CSMD1: variants seen among roughly 807,000 people sequenced by gnomAD.
CSMD1 encodes the protein CUB and sushi domain-containing protein 1.
A neutral mutation model predicts 417.5 loss-of-function variants in CSMD1; 213 were observed. The ratio of observed to expected loss-of-function variants is 0.51; its 90% CI spans 0.46 to 0.57. The LOEUF is 0.57. Among genes scored for constraint, CSMD1 ranks in the 20% least tolerant of loss-of-function variants. CSMD1 has a pLI of 0.00. For missense variants in CSMD1, 6,923 were observed against 4,529.7 expected, an observed-to-expected ratio of 1.53 and a Z score of -15.17; for synonymous variants, 2,862 against 1,736.8, an observed-to-expected ratio of 1.65 and a Z score of -16.11.
At chr8:3,450,388 G>C (rs901932256) in intron 12 of CSMD1, among the ~76,000 whole-genome samples, 1 of 151,672 alleles carries the variant, frequency 6.6e-6, no homozygotes, top group African/African-American at 2.4e-5. Flanking sequence ...GTATACATGT[G>C]CCATGTTGGT....
At chr8:3,492,735 G>A (rs1226922032) in intron 11 of CSMD1, among the ~76,000 whole-genome samples, 3 of 152,130 alleles carry the variant, frequency 2.0e-5, no homozygotes, top group Non-Finnish European at 4.4e-5. Flanking sequence ...CTGAGAAGTG[G>A]GATCAGTCTG....
chr8:3,009,640 C>A (rs75426573), intron 52 of CSMD1, among the ~76,000 whole-genome samples: 3,138 of 152,276 alleles, frequency 0.021, 96 homozygotes, highest in African/African-American at 0.07. Flanking sequence ...ATATTGATAA[C>A]TGAGGTGTGT....
At chr8:4,249,131 T>C (rs938267635) in intron 3 of CSMD1, among the ~76,000 whole-genome samples, 3 of 152,194 alleles carry the variant, frequency 2.0e-5, no homozygotes, top group African/African-American at 7.2e-5. Context: ...CACCAAACTT[T>C]CGTGGGAAAA....
rs1449142603 is a variant in CSMD1, at chr8:3,947,635, A to G, written c.818+50268T>C. On this transcript the variant is annotated intron_variant, in intron 5 of 69. Transcript: ENST00000635120. Reference sequence around the variant, plus strand: ...CCAAATACGAGGAGCTTTCCCACATATTCTGTTATCAATTTACAGTTTAAT... The same window carrying G: ...CCAAATACGAGGAGCTTTCCCACATGTTCTGTTATCAATTTACAGTTTAAT... Among the ~76,000 whole-genome samples, 6 of 150,348 alleles carry G rather than the reference A, an allele frequency of 4.0e-5. No homozygotes were observed. The East Asian group carries it at 1.2e-3, about 31-fold the overall frequency.
At chr8:4,273,650 G>C (rs905337723) in intron 3 of CSMD1, among the ~76,000 whole-genome samples, 3 of 152,122 alleles carry the variant, frequency 2.0e-5, no homozygotes, top group South Asian at 2.1e-4. Context: ...CTCTAATAGA[G>C]AGCAGTAATC....
At chr8:3,330,348 G>C (rs1384651570) in intron 23 of CSMD1, among the ~76,000 whole-genome samples, 1 of 152,256 alleles carries the variant, frequency 6.6e-6, no homozygotes, top group East Asian at 1.9e-4. Context: ...CTCAATCTAA[G>C]TGCCCATCAG....
intron 3 of CSMD1, among the ~76,000 whole-genome samples, chr8:4,191,811 T>G (rs1436520281): frequency 6.6e-6 from 1 of 150,758 alleles, no homozygotes; most frequent in African/African-American, 2.4e-5. Flanking sequence ...CTTCATCTCC[T>G]ATCGAATGAT....
intron 4 of CSMD1, among the ~76,000 whole-genome samples, chr8:3,998,513 G>C (rs1213525117): frequency 2.6e-5 from 4 of 152,174 alleles, no homozygotes; most frequent in African/African-American, 7.2e-5. Flanking sequence ...ACCTGGCTTT[G>C]AGAATACTGT....
chr8:3,725,351 G>T (rs2623755), intron 6 of CSMD1, among the ~76,000 whole-genome samples: 20,211 of 152,078 alleles, frequency 0.13, 1,446 homozygotes, highest in East Asian at 0.24. Context: ...GCATGGACAG[G>T]GAAACAATGA....
At chr8:3,641,237 T>A (rs188785647) in intron 7 of CSMD1, among the ~76,000 whole-genome samples, 1 of 152,182 alleles carries the variant, frequency 6.6e-6, no homozygotes, top group Admixed American at 6.5e-5. Context: ...TGCTTCTCTG[T>A]GACTCATGGG....
chr8:3,474,510 T>C (rs1817296635), intron 11 of CSMD1, among the ~76,000 whole-genome samples: 1 of 152,192 alleles, frequency 6.6e-6, no homozygotes, highest in Admixed American at 6.5e-5. Context: ...CTTGTCTTCA[T>C]TAATCTTTCT....
chr8:4,922,856 G>T (rs956335015), intron 1 of CSMD1, among the ~76,000 whole-genome samples: 1 of 152,174 alleles, frequency 6.6e-6, no homozygotes, highest in Non-Finnish European at 1.5e-5. Context: ...TTTTCCTAGT[G>T]CTAAAGTTTT....
intron 3 of CSMD1, among the ~76,000 whole-genome samples, chr8:4,258,247 T>C (rs1803601283): frequency 1.4e-5 from 2 of 144,792 alleles, no homozygotes; most frequent in South Asian, 4.6e-4. Context: ...ACCCTACCCC[T>C]TCCTATCTTA....
At chr8:4,594,972 C>T (rs146344422) in intron 2 of CSMD1, among the ~76,000 whole-genome samples, 4 of 152,074 alleles carry the variant, frequency 2.6e-5, no homozygotes, top group East Asian at 1.9e-4. Context: ...ATACTTGATG[C>T]CAAAGAAATG....
At chr8:4,805,976 T>A (rs571374664) in intron 1 of CSMD1, among the ~76,000 whole-genome samples, 13 of 152,320 alleles carry the variant, frequency 8.5e-5, no homozygotes, top group African/African-American at 2.2e-4. Flanking sequence ...ACCAAGGGCT[T>A]TTCTTTCTCA....
intron 37 of CSMD1, among the ~76,000 whole-genome samples, chr8:3,165,489 T>C (rs1243249650): frequency 6.6e-6 from 1 of 152,166 alleles, no homozygotes. Flanking sequence ...TGGAGTGCAG[T>C]GGTGTGATCT....
Position 3,091,530 on chromosome 8 carries a change from T to A in CSMD1, c.7271A>T (p.Lys2424Met), listed in dbSNP as rs890023956. 1 of 1,604,582 alleles carries A rather than the reference T, an allele frequency of 6.2e-7. No homozygotes were observed. The highest frequency in any genetic ancestry group is 1.1e-5 in the South Asian group (1 of 88,844). ...TDHATSKKGFKIRYAAPYCSL... is the reference protein window; with the variant it reads ...TDHATSKKGFMIRYAAPYCSL... ...CATTTACTTACCTGCATAGCGAATCTTGAATCCTTTCTTACTGGTGGCATG... is the reference window on the plus strand; with the variant it reads ...CATTTACTTACCTGCATAGCGAATCATGAATCCTTTCTTACTGGTGGCATG... The change falls in exon 48 of 70, where the codon AAG becomes ATG. Residue 2424 changes from lysine to methionine, a missense_variant. Physicochemically the swap from Lys to Met is moderately conservative, Grantham distance 95 (BLOSUM62 -1). Transcript: ENST00000635120.
intron 49 of CSMD1, among the ~76,000 whole-genome samples, chr8:3,060,253 C>G (rs938218876): frequency 6.6e-6 from 1 of 151,022 alleles, no homozygotes; most frequent in African/African-American, 2.4e-5. Flanking sequence ...TCAAGCGATT[C>G]TCCTGTCTCA....
intron 1 of CSMD1, among the ~76,000 whole-genome samples, chr8:4,896,294 GTC>G (rs1342464463): frequency 6.6e-6 from 1 of 151,982 alleles, no homozygotes; most frequent in Admixed American, 6.5e-5. Flanking sequence ...CTAATTATGG[GTC>G]TCTTTACATT....
Sources: gnomAD v4.1 joint callset for allele counts (sites outside exome capture counted in the v4.1 genomes callset) on GRCh38, gnomAD v4.1.1 for gene constraint, MANE v1.5 for transcripts, NCBI Gene and HGNC (gene_info 2026-07-23, HGNC 2026-07-21) for gene names.